GRID2: variants seen among roughly 807,000 people sequenced by gnomAD.
GRID2 encodes the protein glutamate receptor ionotropic, delta-2.
A neutral mutation model predicts 114.8 loss-of-function variants in GRID2; 33 were observed. The ratio of observed to expected loss-of-function variants is 0.29; its 90% CI spans 0.22 to 0.38. The LOEUF (loss-of-function observed/expected upper bound fraction) is 0.38, where lower values mean the gene tolerates loss of function less well. Among genes scored for constraint, GRID2 ranks in the 10% least tolerant of loss-of-function variants. The pLI, the probability that GRID2 is intolerant of heterozygous loss-of-function variation, is 1.00. For synonymous variants in GRID2, 505 were observed against 449.9 expected (o/e 1.12, Z -1.55); for missense variants, 1,184 against 1,257.7 (o/e 0.94, Z 0.89).
chr4:93,089,536 C>T (rs1271367565), intron 3 of GRID2, among the ~76,000 whole-genome samples: 1 of 152,098 alleles, frequency 6.6e-6, no homozygotes, highest in African/African-American at 2.4e-5. Flanking sequence ...GAGAAAGCCA[C>T]CTGGCTTTTT....
chr4:92,746,202 G>A (rs532351840), intron 2 of GRID2, among the ~76,000 whole-genome samples: 1 of 152,160 alleles, frequency 6.6e-6, no homozygotes, highest in African/African-American at 2.4e-5. Context: ...TGATTAAATA[G>A]TCTGTTGTAT....
At chr4:93,451,640 G>A (rs902568084) in intron 10 of GRID2, among the ~76,000 whole-genome samples, 3 of 152,030 alleles carry the variant, frequency 2.0e-5, no homozygotes, top group Non-Finnish European at 4.4e-5. Context: ...GACTACTTTG[G>A]CTACAATAGG....
chr4:92,814,920 A>G (rs748187895), intron 2 of GRID2, among the ~76,000 whole-genome samples: 19 of 152,076 alleles, frequency 1.2e-4, no homozygotes, highest in Non-Finnish European at 1.8e-4. Flanking sequence ...TGTCCCCCCA[A>G]TGTCATGTAC....
chr4:93,113,473 GC>G (rs1732961387), intron 4 of GRID2, among the ~76,000 whole-genome samples: 2 of 152,162 alleles, frequency 1.3e-5, no homozygotes, highest in Non-Finnish European at 2.9e-5. Context: ...AAAGATCAGT[GC>G]TCGAGATGTA....
chr4:93,555,784 G>A (rs923383051), intron 13 of GRID2, among the ~76,000 whole-genome samples: 4 of 152,304 alleles, frequency 2.6e-5, no homozygotes, highest in African/African-American at 9.6e-5. Flanking sequence ...CCTCAAGTGG[G>A]TCCCTGACCC....
intron 1 of GRID2, among the ~76,000 whole-genome samples, chr4:92,318,507 C>CA (rs1726129304): frequency 1.6e-5 from 1 of 64,394 alleles, no homozygotes; most frequent in Admixed American, 2.6e-4. Context: ...TATGCCAGGA[C>CA]TTTTTTTTTT....
intron 2 of GRID2, among the ~76,000 whole-genome samples, chr4:92,598,450 C>T (rs1729054287): frequency 6.6e-6 from 1 of 152,084 alleles, no homozygotes; most frequent in Non-Finnish European, 1.5e-5. Context: ...CCTTGACTCT[C>T]CATATTATAC....
chr4:92,523,279 A>C (rs962303186), intron 1 of GRID2, among the ~76,000 whole-genome samples: 3 of 152,062 alleles, frequency 2.0e-5, no homozygotes, highest in Non-Finnish European at 4.4e-5. Context: ...ATTTAGGTGG[A>C]AGATATTTTT....
chr4:93,674,445 C>T (rs1332912583), intron 14 of GRID2, among the ~76,000 whole-genome samples: 1 of 152,060 alleles, frequency 6.6e-6, no homozygotes, highest in Non-Finnish European at 1.5e-5. Context: ...ATAATGGGCA[C>T]TAAATTTGTG....
intron 9 of GRID2, among the ~76,000 whole-genome samples, chr4:93,418,802 G>C (rs941707461): frequency 6.6e-6 from 1 of 151,908 alleles, no homozygotes; most frequent in African/African-American, 2.4e-5. Context: ...CCTTTTTCTA[G>C]AGAGGATTGT....
At chr4:92,402,747 C>T (rs896039088) in intron 1 of GRID2, among the ~76,000 whole-genome samples, 5 of 152,170 alleles carry the variant, frequency 3.3e-5, no homozygotes, top group Non-Finnish European at 5.9e-5. Flanking sequence ...CTAGGATGTT[C>T]AGAATGGTAA....
At chr4:92,912,735 G>A (rs185015585) in intron 2 of GRID2, among the ~76,000 whole-genome samples, 158 of 151,760 alleles carry the variant, frequency 1.0e-3, no homozygotes, top group African/African-American at 3.7e-3. Flanking sequence ...TAGAGATGTC[G>A]AAAACAAACT....
At chr4:93,607,258 A>G (rs1740344942) in intron 13 of GRID2, among the ~76,000 whole-genome samples, 1 of 152,154 alleles carries the variant, frequency 6.6e-6, no homozygotes, top group Non-Finnish European at 1.5e-5. Flanking sequence ...ATACTCATGT[A>G]TTTATATAAG....
rs532256510 is a variant in GRID2, at chr4:93,270,420, A to G, written c.1245+31930A>G. Among the ~76,000 whole-genome samples, 6 of 152,280 alleles carry G rather than the reference A, an allele frequency of 3.9e-5. No individual in the cohort carries two copies. In the South Asian group the frequency reaches 8.3e-4, roughly 21 times the overall value. On this transcript the variant is annotated intron_variant, in intron 8 of 15. Transcript: ENST00000282020. ...ATAGTAACTGCTTATACTATTCTCA[A>G]ATGTCCTTACATCAAGAACATAAGT...
intron 9 of GRID2, among the ~76,000 whole-genome samples, chr4:93,397,254 G>C (rs1015533459): frequency 1.3e-5 from 2 of 151,832 alleles, no homozygotes; most frequent in African/African-American, 4.8e-5. Flanking sequence ...GGGCTTAATT[G>C]CTTTTGGTAA....
chr4:93,199,476 G>A (rs1741855264), intron 4 of GRID2, among the ~76,000 whole-genome samples: 2 of 152,174 alleles, frequency 1.3e-5, no homozygotes, highest in South Asian at 4.1e-4. Context: ...ATCTCCCACA[G>A]GGTGTGGGAA....
At chr4:93,029,038 A>G (rs542688765) in intron 2 of GRID2, among the ~76,000 whole-genome samples, 2 of 152,180 alleles carry the variant, frequency 1.3e-5, no homozygotes, top group East Asian at 1.9e-4. Context: ...TTTTAGATTA[A>G]CATTATGTTA....
At chr4:93,439,095 G>A (rs994845821) in intron 10 of GRID2, among the ~76,000 whole-genome samples, 6 of 152,000 alleles carry the variant, frequency 3.9e-5, no homozygotes, top group Non-Finnish European at 8.8e-5. Context: ...TTGGACATTT[G>A]GGTTGGTTCC....
chr4:93,017,748 T>C (rs549532494), intron 2 of GRID2, among the ~76,000 whole-genome samples: 1 of 148,536 alleles, frequency 6.7e-6, no homozygotes, highest in East Asian at 2.0e-4. Flanking sequence ...TGAGCCAAGA[T>C]TGCACCACTG....
Sources: allele counts gnomAD v4.1 joint callset (sites outside exome capture counted in the v4.1 genomes callset), GRCh38; gene constraint gnomAD v4.1.1; transcripts MANE v1.5; gene names NCBI Gene and HGNC (gene_info 2026-07-23, HGNC 2026-07-21).